The following RGS5 variants were observed in gnomAD, a reference collection of about 807,000 sequenced individuals.
The protein encoded by RGS5 is regulator of G-protein signalling 5.
Under a neutral mutation model 18.9 loss-of-function variants are expected in RGS5, and 20 were observed. The observed-to-expected ratio is 1.06, with a 90% CI of 0.74 to 1.54. The LOEUF (loss-of-function observed/expected upper bound fraction) is 1.54, where lower values mean the gene tolerates loss of function less well. Ranked by LOEUF, RGS5 falls within the 40% of genes most tolerant of loss-of-function variation. The pLI is 0.00. For missense variants in RGS5, 201 were observed against 211.8 expected (o/e 0.95, Z 0.32); for synonymous variants, 57 against 76.2 (o/e 0.75, Z 1.31).
chr1:163,317,278 C>A (rs1650051846), intron 1 of RGS5, among the ~76,000 whole-genome samples: 1 of 152,132 alleles, frequency 6.6e-6, no homozygotes, highest in Non-Finnish European at 1.5e-5. Flanking sequence ...TCAAGCATCT[C>A]CAGCGTATAA....
At chr1:163,250,477 AT>A (rs2101697816) in intron 2 of RGS5, among the ~76,000 whole-genome samples, 1 of 152,332 alleles carries the variant, frequency 6.6e-6, no homozygotes, top group East Asian at 1.9e-4. Context: ...CAGCTTTGAG[AT>A]TAAATGATTT....
intron 3 of RGS5, among the ~76,000 whole-genome samples, chr1:163,158,512 A>T (rs549846843): frequency 6.6e-6 from 1 of 152,278 alleles, no homozygotes; most frequent in African/African-American, 2.4e-5. Context: ...AAAGAGAGAA[A>T]TCTTAAAGCT....
chr1:163,225,510 A>G (rs1156439595), intron 2 of RGS5, among the ~76,000 whole-genome samples: 1 of 152,100 alleles, frequency 6.6e-6, no homozygotes, highest in Non-Finnish European at 1.5e-5. Context: ...CTCTCTAACC[A>G]TGATTCAAGC....
chr1:163,265,464 C>G (rs1026030665), intron 2 of RGS5, among the ~76,000 whole-genome samples: 3 of 152,064 alleles, frequency 2.0e-5, no homozygotes, highest in Admixed American at 6.6e-5. Flanking sequence ...CTCTTCTAAC[C>G]TGCATTTACT....
At chr1:163,186,073 C>CTT (rs34446894) in intron 1 of RGS5, among the ~76,000 whole-genome samples, 1 of 139,130 alleles carries the variant, frequency 7.2e-6, no homozygotes, top group African/African-American at 2.7e-5. Context: ...AAAAAAAGGT[C>CTT]TTTTTTTTTT....
chr1:163,281,002 A>G (rs1180243432), intron 2 of RGS5, among the ~76,000 whole-genome samples: 2 of 152,120 alleles, frequency 1.3e-5, no homozygotes, highest in African/African-American at 2.4e-5. Flanking sequence ...GGGAGGCAGC[A>G]GGTAGGAAAT....
intron 1 of RGS5, among the ~76,000 whole-genome samples, chr1:163,172,901 T>C (rs893646430): frequency 1.1e-4 from 16 of 152,154 alleles, no homozygotes; most frequent in Admixed American, 8.5e-4. Flanking sequence ...TCCTCAAGAA[T>C]CCCTGGAATA....
chr1:163,281,684 G>A (rs1028388975), intron 2 of RGS5, among the ~76,000 whole-genome samples: 6 of 152,074 alleles, frequency 3.9e-5, no homozygotes, highest in Non-Finnish European at 5.9e-5. Flanking sequence ...AAGAACTATA[G>A]TAACCAAAAG....
chr1:163,310,416 A>C (rs914829708), intron 1 of RGS5, among the ~76,000 whole-genome samples: 2 of 151,986 alleles, frequency 1.3e-5, no homozygotes, highest in Non-Finnish European at 2.9e-5. Context: ...CTACTAAAAA[A>C]TACAAAAAAT....
At chr1:163,189,175 G>A (rs1659235898) in intron 1 of RGS5, among the ~76,000 whole-genome samples, 1 of 152,140 alleles carries the variant, frequency 6.6e-6, no homozygotes, top group Non-Finnish European at 1.5e-5. Flanking sequence ...GGGTAAGAAA[G>A]CACCATTTGC....
At chr1:163,316,476 G>T (rs1490653666) in intron 1 of RGS5, among the ~76,000 whole-genome samples, 1 of 151,824 alleles carries the variant, frequency 6.6e-6, no homozygotes, top group Admixed American at 6.6e-5. Flanking sequence ...TACAACCATA[G>T]AATTTGTAAA....
intron 2 of RGS5, among the ~76,000 whole-genome samples, chr1:163,276,767 C>T (rs1450022887): frequency 1.3e-5 from 2 of 152,102 alleles, no homozygotes; most frequent in Non-Finnish European, 1.5e-5. Context: ...TGCTACAAGA[C>T]AAAATAAAAA....
At chr1:163,257,743 T>A (rs1333814270) in intron 2 of RGS5, among the ~76,000 whole-genome samples, 2 of 152,130 alleles carry the variant, frequency 1.3e-5, no homozygotes, top group Non-Finnish European at 2.9e-5. Flanking sequence ...CACAGCTGGG[T>A]CTAAACTTCT....
chr1:163,176,976 C>T (rs1013815144), intron 1 of RGS5, among the ~76,000 whole-genome samples: 4 of 152,154 alleles, frequency 2.6e-5, no homozygotes, highest in African/African-American at 9.7e-5. Context: ...TTAGAAAGAC[C>T]ATGCTCCAAA....
At chr1:163,176,241 G>A (rs1658551220) in intron 1 of RGS5, among the ~76,000 whole-genome samples, 2 of 152,308 alleles carry the variant, frequency 1.3e-5, no homozygotes. Context: ...ACCATCACAA[G>A]TAACCTGCAG....
At chr1:163,190,240 A>G (rs1453436908) in intron 1 of RGS5, among the ~76,000 whole-genome samples, 1 of 152,216 alleles carries the variant, frequency 6.6e-6, no homozygotes. Flanking sequence ...GGCTTATAGC[A>G]AAAGCCTGTG....
rs1452641094 is a variant in RGS5, at chr1:163,143,902, C to T, written c.*3440G>A. On this transcript the variant is annotated 3_prime_UTR_variant, in exon 5 of 5. Coordinates refer to ENST00000313961, the MANE Select transcript of RGS5 (RefSeq NM_003617.4). ...TTGAAACTTTTGCATGTCTATTACTCTTTGGAAAATAATTAACAGCTCCAT... is the reference window on the plus strand; with the variant it reads ...TTGAAACTTTTGCATGTCTATTACTTTTTGGAAAATAATTAACAGCTCCAT... The T allele has an allele frequency of 2.6e-5, 4 of 152,086 alleles. No homozygotes were observed. Among genetic ancestry groups the T allele is most frequent in the African/African-American group, 7.2e-5 (3 of 41,418 alleles). The allele number at this position is 152,086 out of a possible 1,614,324, so 9.4% of individuals were successfully genotyped here. A position where few individuals can be genotyped will look rare whatever the true frequency, so the allele number is the denominator to read the frequency against.
intron 2 of RGS5, among the ~76,000 whole-genome samples, chr1:163,298,578 A>G (rs1476898418): frequency 1.3e-5 from 2 of 152,170 alleles, no homozygotes; most frequent in Admixed American, 6.5e-5. Flanking sequence ...TGTTATACAG[A>G]TAACATCTCT....
chr1:163,302,989 G>A (rs1649591372), intron 2 of RGS5, among the ~76,000 whole-genome samples: 1 of 152,160 alleles, frequency 6.6e-6, no homozygotes, highest in African/African-American at 2.4e-5. Flanking sequence ...TAGACTGAGT[G>A]AAGGATCTAT....
Sources: gnomAD v4.1 joint callset for allele counts (sites outside exome capture counted in the v4.1 genomes callset) on GRCh38, gnomAD v4.1.1 for gene constraint, MANE v1.5 for transcripts, NCBI Gene and HGNC (gene_info 2026-07-23, HGNC 2026-07-21) for gene names.